DAB1: variants seen among roughly 807,000 people sequenced by gnomAD.
DAB1 encodes DAB adaptor protein 1, also known as disabled homolog 1.
In DAB1, 15 loss-of-function variants were observed where a neutral mutation model predicts 64.6. The observed-to-expected ratio is 0.23, with a 90% CI of 0.16 to 0.36. The LOEUF is 0.36. DAB1 is among the 10% of genes least tolerant of loss of function. The probability of loss-of-function intolerance (pLI) is 1.00; values close to 1 mark genes in which losing one functional copy is unlikely to be tolerated. For synonymous variants in DAB1, 235 were observed against 251.9 expected (o/e 0.93, Z 0.64); for missense variants, 596 against 706.7 (o/e 0.84, Z 1.78).
chr1:58,312,921 TA>T (rs199820122), intron 4 of DAB1, among the ~76,000 whole-genome samples: 9 of 151,876 alleles, frequency 5.9e-5, no homozygotes, highest in Non-Finnish European at 1.3e-4. Flanking sequence ...AAATAAAAGT[TA>T]AAAAAAAGAG....
At chr1:58,144,253 T>C (rs949792828) in intron 5 of DAB1, among the ~76,000 whole-genome samples, 1 of 152,202 alleles carries the variant, frequency 6.6e-6, no homozygotes, top group African/African-American at 2.4e-5. Context: ...GAGGAGTTCA[T>C]ATAATATTAA....
chr1:57,680,299 T>A (rs1039610239), intron 6 of DAB1, among the ~76,000 whole-genome samples: 4 of 152,328 alleles, frequency 2.6e-5, no homozygotes, highest in African/African-American at 7.2e-5. Context: ...AGTTTTCTAC[T>A]GCTGTTATAA....
chr1:58,118,577 T>C (rs562573815), intron 5 of DAB1, among the ~76,000 whole-genome samples: 1,983 of 81,492 alleles, frequency 0.024, 61 homozygotes, highest in African/African-American at 0.13. Context: ...TATATATATA[T>C]ACATATATAT....
chr1:57,667,524 TGCC>T (rs1646462526), intron 6 of DAB1, among the ~76,000 whole-genome samples: 1 of 152,166 alleles, frequency 6.6e-6, no homozygotes, highest in East Asian at 1.9e-4. Context: ...TTTTGTGTAC[TGCC>T]ATGTCTCCAG....
At chr1:57,481,923 A>G (rs767235740) in intron 7 of DAB1, among the ~76,000 whole-genome samples, 2 of 152,236 alleles carry the variant, frequency 1.3e-5, no homozygotes, top group Non-Finnish European at 2.9e-5. Flanking sequence ...TTTAATGATC[A>G]AAGAAATTAA....
chr1:57,720,721 AT>A (rs1386172581), intron 6 of DAB1, among the ~76,000 whole-genome samples: 1 of 152,122 alleles, frequency 6.6e-6, no homozygotes, highest in Non-Finnish European at 1.5e-5. Flanking sequence ...TTATTTATTT[AT>A]TTATTTTTCT....
At chr1:57,990,560 A>C (rs1429823073) in intron 5 of DAB1, among the ~76,000 whole-genome samples, 1 of 152,248 alleles carries the variant, frequency 6.6e-6, no homozygotes, top group Admixed American at 6.5e-5. Context: ...TTAAGAGCAG[A>C]GGGAGGGGCC....
chr1:57,505,465 A>G (rs1459035062), intron 7 of DAB1, among the ~76,000 whole-genome samples: 2 of 152,196 alleles, frequency 1.3e-5, no homozygotes, highest in Admixed American at 1.3e-4. Flanking sequence ...TTGCACCTCC[A>G]GAACAAAAGG....
At chr1:57,936,970 G>A (rs1045014298) in intron 5 of DAB1, among the ~76,000 whole-genome samples, 1 of 151,920 alleles carries the variant, frequency 6.6e-6, no homozygotes, top group African/African-American at 2.4e-5. Context: ...TCACCTCAGG[G>A]CCTTTGCACC....
intron 3 of DAB1, among the ~76,000 whole-genome samples, chr1:58,386,339 T>C (rs913627945): frequency 6.6e-6 from 1 of 152,148 alleles, no homozygotes; most frequent in African/African-American, 2.4e-5. Flanking sequence ...TAATGAGAAA[T>C]GGTAAGTTGG....
At chr1:57,646,518 T>C (rs1049525094) in intron 7 of DAB1, among the ~76,000 whole-genome samples, 1 of 152,112 alleles carries the variant, frequency 6.6e-6, no homozygotes, top group African/African-American at 2.4e-5. Context: ...GAGACTGAGA[T>C]GAGAGAATTG....
At chr1:57,156,775 T>C (rs185802661) in intron 2 of DAB1, among the ~76,000 whole-genome samples, 29 of 152,310 alleles carry the variant, frequency 1.9e-4, no homozygotes, top group African/African-American at 7.0e-4. Context: ...CACAACCTGA[T>C]CATCTCCTAA....
intron 1 of DAB1, among the ~76,000 whole-genome samples, chr1:57,408,417 A>T (rs1223487050): frequency 6.6e-6 from 1 of 152,106 alleles, no homozygotes; most frequent in Non-Finnish European, 1.5e-5. Flanking sequence ...GACTATTCCT[A>T]CTCACGGGGA....
chr1:57,485,770 G>A (rs79427710), intron 7 of DAB1, among the ~76,000 whole-genome samples: 2 of 152,220 alleles, frequency 1.3e-5, no homozygotes, highest in African/African-American at 2.4e-5. Flanking sequence ...CACTGGTGTA[G>A]AGCATGCACT....
chr1:57,233,585 C>T (rs1214632543), intron 2 of DAB1, among the ~76,000 whole-genome samples: 8 of 151,446 alleles, frequency 5.3e-5, no homozygotes, highest in Admixed American at 5.3e-4. Flanking sequence ...ATGGTGAAAC[C>T]CCGTCTCTAC....
intron 4 of DAB1, among the ~76,000 whole-genome samples, chr1:58,282,794 TGTGCCAAAAGAGTTTGGGAGAAGA>T: frequency 6.6e-6 from 1 of 152,356 alleles, no homozygotes; most frequent in South Asian, 2.1e-4. Flanking sequence ...TGTTCTGCCT[TGTGCCAAAAGAGTTTGGGAGAAGA>T]GGGAGCGACT....
chr1:58,150,304 T>C (rs1240144951), intron 5 of DAB1, among the ~76,000 whole-genome samples: 1 of 152,182 alleles, frequency 6.6e-6, no homozygotes, highest in African/African-American at 2.4e-5. Context: ...AGGTTCTATG[T>C]GCCTACAAAA....
intron 6 of DAB1, among the ~76,000 whole-genome samples, chr1:57,806,132 C>A (rs1350098011): frequency 2.0e-5 from 3 of 152,188 alleles, no homozygotes; most frequent in Non-Finnish European, 2.9e-5. Context: ...TCTCTGTGAA[C>A]TTGTCTCCAT....
intron 6 of DAB1, among the ~76,000 whole-genome samples, chr1:57,737,847 C>T (rs1420922530): frequency 6.6e-6 from 1 of 152,148 alleles, no homozygotes; most frequent in African/African-American, 2.4e-5. Flanking sequence ...AATATCAGGA[C>T]CTATGACCCA....
Sources: allele counts gnomAD v4.1 joint callset (sites outside exome capture counted in the v4.1 genomes callset), GRCh38; gene constraint gnomAD v4.1.1; transcripts MANE v1.5; gene names NCBI Gene and HGNC (gene_info 2026-07-23, HGNC 2026-07-21).